Variants in BCO1 observed in about 807,000 individuals in gnomAD.
BCO1 encodes the protein beta,beta-carotene 15,15'-dioxygenase.
In BCO1, 54 loss-of-function variants were observed where a neutral mutation model predicts 56.3. The observed-to-expected ratio is 0.96, with a 90% confidence interval of 0.77 to 1.20. The LOEUF (loss-of-function observed/expected upper bound fraction) is 1.20, where lower values mean the gene tolerates loss of function less well. BCO1 is among the 50% of genes most tolerant of loss of function. The pLI, the probability that BCO1 is intolerant of heterozygous loss-of-function variation, is 0.00. For missense variants in BCO1, 801 were observed against 690.9 expected (o/e 1.16, Z -1.79); for synonymous variants, 318 against 266.1 (o/e 1.20, Z -1.90).
In BCO1 at chr16:81,268,063, A is replaced by C; in HGVS notation, c.775A>C (p.Lys259Gln). The stretch of plus-strand genomic sequence containing the variant: ...GCAGCCTTTCAGGTTGGATATTCTC[A>C]AGATGGCAACCGCATACATCCGGAG... Reference protein sequence around the residue: ...LEQPFRLDILKMATAYIRRMS... With the variant: ...LEQPFRLDILQMATAYIRRMS... The change falls in exon 6 of 11, where the codon AAG becomes CAG. Residue 259 changes from lysine (K) to glutamine (Q), a missense_variant. Coordinates refer to ENST00000258168, the MANE Select transcript of BCO1 (RefSeq NM_017429.3). 1 of 1,613,206 alleles carries C rather than the reference A, an allele frequency of 6.2e-7. No individual in the cohort carries two copies. Among genetic ancestry groups the C allele is most frequent in the South Asian group, 1.1e-5 (1 of 91,066 alleles).
At chr16:81,252,079 G>C (rs563689694) in intron 2 of BCO1, among the ~76,000 whole-genome samples, 1 of 152,128 alleles carries the variant, frequency 6.6e-6, no homozygotes, top group South Asian at 2.1e-4. Context: ...TCAAAGTCCA[G>C]GGTCAGCCTT....
chr16:81,287,565 G>A (rs987011271), intron 10 of BCO1, among the ~76,000 whole-genome samples, 159 bp downstream of exon 10: 9 of 152,120 alleles, frequency 5.9e-5, no homozygotes, highest in African/African-American at 1.9e-4. Context: ...AAGGGTGAGG[G>A]AGTCCCCAAG....
intron 2 of BCO1, among the ~76,000 whole-genome samples, chr16:81,250,230 C>A (rs1387688952): frequency 6.6e-6 from 1 of 152,126 alleles, no homozygotes; most frequent in Non-Finnish European, 1.5e-5. Context: ...AAAGCTCAGA[C>A]ATAGACGCAA....
chr16:81,254,068 C>T (rs538873971), intron 2 of BCO1, among the ~76,000 whole-genome samples: 2 of 152,214 alleles, frequency 1.3e-5, no homozygotes, highest in African/African-American at 4.8e-5. Context: ...ACACAAATAA[C>T]CTCCTGAAGA....
At chr16:81,255,408 C>T (rs2151932928) in intron 2 of BCO1, among the ~76,000 whole-genome samples, 1 of 152,308 alleles carries the variant, frequency 6.6e-6, no homozygotes, top group East Asian at 1.9e-4. Flanking sequence ...GCCCTTTGTA[C>T]TTCATTTGGT....
intron 4 of BCO1, 45 bp downstream of exon 4, chr16:81,262,328 G>C (rs1410538535): frequency 1.3e-6 from 2 of 1,595,456 alleles, no homozygotes; most frequent in East Asian, 4.5e-5. Context: ...ACTCAAGAAA[G>C]GGAGAGTCGG....
Position 81,238,784 on chromosome 16 carries a change from A to G in BCO1, c.-125A>G, listed in dbSNP as rs545917545. The G allele has an allele frequency of 5.9e-6, 5 of 843,420 alleles. No individual in the cohort carries two copies. Among genetic ancestry groups the G allele is most frequent in the Non-Finnish European group, 1.0e-5 (5 of 491,352 alleles). The allele number at this position is 843,420 out of a possible 1,614,324, so 52.2% of individuals were successfully genotyped here. A position where few individuals can be genotyped will look rare whatever the true frequency, so the allele number is the denominator to read the frequency against. The stretch of plus-strand genomic sequence containing the variant: ...GCAGAAACGGCATCAGGAGAGACAG[A>G]GATGTGAAGGAGGGAAGGAGCAGGA... On this transcript the variant is annotated 5_prime_UTR_variant, in exon 1 of 11. Transcript: ENST00000258168.
At chr16:81,241,056 A>T (rs997675438) in intron 1 of BCO1, among the ~76,000 whole-genome samples, 7 of 152,060 alleles carry the variant, frequency 4.6e-5, no homozygotes, top group Middle Eastern at 3.4e-3. Flanking sequence ...CTGGTCGCAA[A>T]CTCCCAACCT....
chr16:81,251,528 C>T (rs1905797961), intron 2 of BCO1, among the ~76,000 whole-genome samples: 1 of 152,046 alleles, frequency 6.6e-6, no homozygotes, highest in East Asian at 1.9e-4. Context: ...CCTCTGCACT[C>T]CATCCTGGGT....
At chr16:81,280,183 A>C (rs1162855667) in intron 7 of BCO1, among the ~76,000 whole-genome samples, 2 of 146,204 alleles carry the variant, frequency 1.4e-5, no homozygotes, top group African/African-American at 5.0e-5. Flanking sequence ...GAATCGATTG[A>C]ACCTGGGAGG....
At chr16:81,250,905 A>G (rs533582475) in intron 2 of BCO1, among the ~76,000 whole-genome samples, 1 of 152,052 alleles carries the variant, frequency 6.6e-6, no homozygotes, top group African/African-American at 2.4e-5. Context: ...TGAATCCTGA[A>G]AGCTGCACAG....
chr16:81,274,505 C>T (rs2150630935), intron 7 of BCO1, among the ~76,000 whole-genome samples: 1 of 152,250 alleles, frequency 6.6e-6, no homozygotes, highest in African/African-American at 2.4e-5. Flanking sequence ...ACCTCGTGAT[C>T]CGCCTGCCTC....
At chr16:81,274,626 C>G (rs1010302096) in intron 7 of BCO1, among the ~76,000 whole-genome samples, 3 of 151,946 alleles carry the variant, frequency 2.0e-5, no homozygotes, top group African/African-American at 7.2e-5. Flanking sequence ...CGCCTGTAAT[C>G]CCAACACTTT....
chr16:81,249,131 C>T (rs1392829826), intron 2 of BCO1, among the ~76,000 whole-genome samples: 6 of 142,926 alleles, frequency 4.2e-5, no homozygotes, highest in African/African-American at 1.6e-4. Flanking sequence ...CACTCCGTTA[C>T]CCAGGTTGGA....
chr16:81,275,526 C>A (rs190067847), intron 7 of BCO1, among the ~76,000 whole-genome samples: 2 of 152,354 alleles, frequency 1.3e-5, no homozygotes, highest in Admixed American at 1.3e-4. Flanking sequence ...GTAACTTGTT[C>A]ATTTCCCTCT....
intron 7 of BCO1, among the ~76,000 whole-genome samples, chr16:81,277,899 T>A (rs572694455): frequency 7.9e-5 from 12 of 152,286 alleles, no homozygotes; most frequent in Non-Finnish European, 4.4e-5. Context: ...TTATAAGATG[T>A]CTGTGCAGAC....
In BCO1 at chr16:81,245,603, G is replaced by A. The variant is rs201365652; in HGVS notation, c.193G>A (p.Gly65Ser). Residue 65 changes from glycine (G) to serine (S), a missense_variant and splice_region_variant, in exon 2 of 11, where the codon GGT becomes AGT. By Grantham distance (56) the Gly-to-Ser change is moderately conservative. Transcript: ENST00000258168. ...GCTCCACAGCTTCACCATCAGAGAC[G>A]GTGAGAACACCCACGAGTGTGCTGC... Reference protein sequence around the residue: ...ALLHSFTIRDGEVYYRSKYLR... With the variant: ...ALLHSFTIRDSEVYYRSKYLR... The A allele has an allele frequency of 8.2e-5, 132 of 1,614,006 alleles. No individual in the cohort carries two copies. Among genetic ancestry groups the A allele is most frequent in the Non-Finnish European group, 1.0e-4 (118 of 1,180,028 alleles).
chr16:81,284,691 A>C (rs1178210958), intron 8 of BCO1, among the ~76,000 whole-genome samples: 1 of 151,938 alleles, frequency 6.6e-6, no homozygotes, highest in Non-Finnish European at 1.5e-5. Context: ...TGCCATGTTG[A>C]GCAGGTTGGT....
intron 6 of BCO1, among the ~76,000 whole-genome samples, chr16:81,269,693 T>C: frequency 6.6e-6 from 1 of 152,182 alleles, no homozygotes; most frequent in South Asian, 2.1e-4. Flanking sequence ...AGTCTTGAAC[T>C]CCTGACCTCA....
Sources: gnomAD v4.1 joint callset for allele counts (sites outside exome capture counted in the v4.1 genomes callset) on GRCh38, gnomAD v4.1.1 for gene constraint, MANE v1.5 for transcripts, NCBI Gene and HGNC (gene_info 2026-07-23, HGNC 2026-07-21) for gene names.